The following TBC1D5 variants were observed in gnomAD, a reference collection of about 807,000 sequenced individuals.
The protein encoded by TBC1D5 is TBC1 domain family, member 5.
TBC1D5 carries 75 observed loss-of-function variants against 100.3 expected under a neutral mutation model. That is an observed-to-expected ratio of 0.75 (90% CI 0.62 to 0.91). The LOEUF is 0.91. Ranked by LOEUF, TBC1D5 falls within the 40% of genes least tolerant of loss-of-function variation. The pLI, the probability that TBC1D5 is intolerant of heterozygous loss-of-function variation, is 0.00. For synonymous variants in TBC1D5, 323 were observed against 325.6 expected (o/e 0.99, Z 0.09); for missense variants, 910 against 942.4 (o/e 0.97, Z 0.45).
At chr3:17,218,991 A>T (rs1282862009) in intron 17 of TBC1D5, among the ~76,000 whole-genome samples, 1 of 151,560 alleles carries the variant, frequency 6.6e-6, no homozygotes, top group Non-Finnish European at 1.5e-5. Context: ...CAACTATTCC[A>T]TCTGCCCCTC....
At chr3:17,646,681 C>T (rs1296949514) in intron 1 of TBC1D5, among the ~76,000 whole-genome samples, 1 of 152,178 alleles carries the variant, frequency 6.6e-6, no homozygotes, top group Non-Finnish European at 1.5e-5. Context: ...CTTGTTCATT[C>T]ACCCTTAGCA....
At chr3:17,706,339 G>T in intron 1 of TBC1D5, 1 of 1,318,838 alleles carries the variant, frequency 7.6e-7, no homozygotes, top group Non-Finnish European at 1.0e-6. Flanking sequence ...TTGTGAAAGA[G>T]CACATATTTT....
At chr3:17,590,256 G>C (rs892929428) in intron 2 of TBC1D5, among the ~76,000 whole-genome samples, 1 of 152,198 alleles carries the variant, frequency 6.6e-6, no homozygotes, top group African/African-American at 2.4e-5. Flanking sequence ...GGATAATGGT[G>C]GAAGGAACAC....
At chr3:17,325,613 C>T (rs925111217) in intron 13 of TBC1D5, among the ~76,000 whole-genome samples, 9 of 152,056 alleles carry the variant, frequency 5.9e-5, no homozygotes, top group African/African-American at 1.9e-4. Context: ...TGAGCCACCG[C>T]GCCTGGCCCA....
intron 1 of TBC1D5, among the ~76,000 whole-genome samples, chr3:17,693,076 C>T (rs941288854): frequency 6.6e-6 from 1 of 152,222 alleles, no homozygotes; most frequent in Non-Finnish European, 1.5e-5. Flanking sequence ...GATGTGAACC[C>T]TTGACCTTGG....
At chr3:17,643,740 T>C (rs1277790276) in intron 1 of TBC1D5, among the ~76,000 whole-genome samples, 1 of 152,144 alleles carries the variant, frequency 6.6e-6, no homozygotes, top group South Asian at 2.1e-4. Flanking sequence ...CAGTTCCTTT[T>C]GGAAGGATCT....
At chr3:17,723,399 T>A (rs571494181) in intron 1 of TBC1D5, among the ~76,000 whole-genome samples, 7 of 152,252 alleles carry the variant, frequency 4.6e-5, no homozygotes, top group Middle Eastern at 3.4e-3. Flanking sequence ...CATCCATTAA[T>A]CACACCACAA....
chr3:17,495,502 A>G (rs1205478827), intron 3 of TBC1D5, among the ~76,000 whole-genome samples: 1 of 152,244 alleles, frequency 6.6e-6, no homozygotes. Flanking sequence ...TTCTGTTTAC[A>G]GAGAACAGCA....
At chr3:17,664,487 G>A (rs1341705036) in intron 1 of TBC1D5, among the ~76,000 whole-genome samples, 1 of 152,148 alleles carries the variant, frequency 6.6e-6, no homozygotes, top group African/African-American at 2.4e-5. Context: ...CAATTGCATG[G>A]ATAAAGTTAA....
At chr3:17,231,070 C>G (rs1027083406) in intron 17 of TBC1D5, among the ~76,000 whole-genome samples, 3 of 151,978 alleles carry the variant, frequency 2.0e-5, no homozygotes, top group African/African-American at 7.2e-5. Flanking sequence ...TTGGCTGAAT[C>G]CAGAGATGTG....
chr3:17,365,088 A>C (rs1026729646), intron 13 of TBC1D5, among the ~76,000 whole-genome samples: 10 of 152,216 alleles, frequency 6.6e-5, no homozygotes, highest in African/African-American at 2.4e-4. Flanking sequence ...GACTTAAGAT[A>C]CAAATAATGA....
chr3:17,566,283 T>C (rs1436784347), intron 2 of TBC1D5, among the ~76,000 whole-genome samples: 4 of 151,962 alleles, frequency 2.6e-5, no homozygotes, highest in Non-Finnish European at 2.9e-5. Context: ...CAAAGAATTA[T>C]TAATAGTTTT....
At chr3:17,314,458 C>T (rs914440937) in intron 13 of TBC1D5, among the ~76,000 whole-genome samples, 1 of 152,124 alleles carries the variant, frequency 6.6e-6, no homozygotes, top group Non-Finnish European at 1.5e-5. Context: ...ATAAAAGCCT[C>T]CTAACCTCTC....
intron 2 of TBC1D5, among the ~76,000 whole-genome samples, chr3:17,537,709 G>A (rs1273961834): frequency 6.6e-6 from 1 of 152,144 alleles, no homozygotes; most frequent in Non-Finnish European, 1.5e-5. Context: ...ATGTTATCAA[G>A]GTTCACATAT....
intron 1 of TBC1D5, among the ~76,000 whole-genome samples, chr3:17,705,151 ACCCCCC>A (rs1261837565): frequency 1.4e-5 from 1 of 70,544 alleles, no homozygotes; most frequent in African/African-American, 5.6e-5. Flanking sequence ...CGGGGGGCTG[ACCCCCC>A]CACCTCCCTC....
chr3:17,720,989 A>G (rs1011246498), intron 1 of TBC1D5, among the ~76,000 whole-genome samples: 5 of 151,832 alleles, frequency 3.3e-5, no homozygotes, highest in Admixed American at 2.0e-4. Flanking sequence ...ACAGGTGTGC[A>G]CTACAACGCC....
intron 2 of TBC1D5, among the ~76,000 whole-genome samples, chr3:17,616,965 T>C (rs1338218453): frequency 6.6e-6 from 1 of 152,266 alleles, no homozygotes; most frequent in African/African-American, 2.4e-5. Context: ...CGTTAATTGA[T>C]GCAGTTTCTT....
intron 3 of TBC1D5, among the ~76,000 whole-genome samples, chr3:17,480,257 A>AG (rs35863421): frequency 0.51 from 76,877 of 151,914 alleles, 21,327 homozygotes; most frequent in African/African-American, 0.72. Flanking sequence ...CAGCTCAAAA[A>AG]CCTGGGCGCC....
At chr3:17,697,903 CAG>C (rs1468813055) in intron 1 of TBC1D5, among the ~76,000 whole-genome samples, 2 of 150,776 alleles carry the variant, frequency 1.3e-5, no homozygotes, top group African/African-American at 2.4e-5. Flanking sequence ...GGTTCCAAAA[CAG>C]AGATATAAAC....
Sources: gnomAD v4.1 joint callset for allele counts (sites outside exome capture counted in the v4.1 genomes callset) on GRCh38, gnomAD v4.1.1 for gene constraint, MANE v1.5 for transcripts, NCBI Gene and HGNC (gene_info 2026-07-23, HGNC 2026-07-21) for gene names.